ZNF514: variants seen among roughly 807,000 people sequenced by gnomAD.
The protein encoded by ZNF514 is zinc finger protein 514.
In ZNF514, 12 loss-of-function variants were observed where a neutral mutation model predicts 9.7. The ratio of observed to expected loss-of-function variants is 1.24; its 90% CI spans 0.79 to 2.01. The LOEUF is 2.01. ZNF514 is among the 30% of genes most tolerant of loss of function. The probability of loss-of-function intolerance (pLI) is 0.00; values close to 1 mark genes in which losing one functional copy is unlikely to be tolerated. For missense variants in ZNF514, 467 were observed against 465.5 expected (o/e 1.00, Z -0.03); for synonymous variants, 158 against 163.7 (o/e 0.97, Z 0.27).
chr2:95,151,693 GC>G (rs771645888), intron 4 of ZNF514, among the ~76,000 whole-genome samples: 1 of 152,184 alleles, frequency 6.6e-6, no homozygotes, highest in Non-Finnish European at 1.5e-5. Context: ...GGTCCCAGAG[GC>G]CAGTCAGAGA....
chr2:95,124,985 G>T, the ZNF514 span, among the ~76,000 whole-genome samples: 1 of 151,790 alleles, frequency 6.6e-6, no homozygotes, highest in East Asian at 1.9e-4. Context: ...AGGTTCAAGC[G>T]ATTCTCCTGC....
downstream of ZNF514, among the ~76,000 whole-genome samples, chr2:95,144,879 T>A (rs1023974562): frequency 6.6e-6 from 1 of 151,982 alleles, no homozygotes; most frequent in African/African-American, 2.4e-5. Context: ...GTCATCACAG[T>A]CCTACAAAAT....
At position 95,146,896 on chromosome 2, in the gene ZNF514, G is replaced by A. The variant is rs193163365; in HGVS notation, c.*2386C>T. Among the ~76,000 whole-genome samples the A allele has an allele frequency of 1.4e-3, 216 of 152,116 alleles. 1 individual carries two copies. The highest frequency in any genetic ancestry group is 4.7e-3 in the African/African-American group (193 of 41,490). The stretch of plus-strand genomic sequence containing the variant: ...GCTGTCCAGGAATAAATTTCTGTGT[G>A]ATCTTGACCTCAGCTGTCCAAGTAC... On this transcript the variant is annotated 3_prime_UTR_variant, in exon 5 of 5. Transcript: ENST00000295208.
At position 95,148,252 on chromosome 2, in the gene ZNF514, C is replaced by G. The variant is rs578210178; in HGVS notation, c.*1030G>C. On this transcript the variant is annotated 3_prime_UTR_variant, in exon 5 of 5. Coordinates refer to ENST00000295208, the MANE Select transcript of ZNF514 (RefSeq NM_032788.3). Reference sequence around the variant, plus strand: ...GCTCTAAAATACGACTGGGCTAGATCATGGGTAGCTGTCTACCTTTCTCAG... The same window carrying G: ...GCTCTAAAATACGACTGGGCTAGATGATGGGTAGCTGTCTACCTTTCTCAG... The G allele has an allele frequency of 6.6e-6, 1 of 152,334 alleles. No homozygotes were observed. The highest frequency in any genetic ancestry group is 1.9e-4 in the East Asian group (1 of 5,182). 9.4% of individuals were successfully genotyped at this position (152,334 alleles called of 1,614,324 possible). A position where few individuals can be genotyped will look rare whatever the true frequency, so the allele number is the denominator to read the frequency against.
Position 95,149,534 on chromosome 2 carries a change from T to C in ZNF514, c.951A>G (p.Glu317=). The change falls in exon 5 of 5, where the codon GAA becomes GAG. Residue 317 remains glutamate (E), a synonymous_variant. Coordinates refer to ENST00000295208, the MANE Select transcript of ZNF514 (RefSeq NM_032788.3). The part of the protein sequence containing the change: ...QRTHTGEKPY[E]CRECGRTFSQ... ...TGAAGGTTCTCCCACATTCCCGGCA[T>C]TCATAGGGCTTTTCTCCAGTATGAG... 2 of 1,614,112 alleles carry C rather than the reference T, an allele frequency of 1.2e-6. No homozygotes were observed. Among genetic ancestry groups the C allele is most frequent in the Non-Finnish European group, 8.5e-7 (1 of 1,179,988 alleles).
the ZNF514 span, among the ~76,000 whole-genome samples, chr2:95,132,144 CAAAAAAAAAAAAA>C: frequency 1.2e-4 from 2 of 16,624 alleles, no homozygotes; most frequent in African/African-American, 4.5e-4. Flanking sequence ...GACTCTGTCT[CAAAAAAAAAAAAA>C]AAAAAAAAAA....
At chr2:95,144,112 C>T (rs1673308515), downstream of ZNF514, among the ~76,000 whole-genome samples, 1 of 152,182 alleles carries the variant, frequency 6.6e-6, no homozygotes, top group South Asian at 2.1e-4. Context: ...TAGCACTCTG[C>T]TTGGAGTCTG....
chr2:95,128,168 G>A, the ZNF514 span, among the ~76,000 whole-genome samples: 6 of 152,144 alleles, frequency 3.9e-5, no homozygotes, highest in South Asian at 6.2e-4. Context: ...CGAGATGGGC[G>A]GATTGCCTGA....
At position 95,150,055 on chromosome 2, in the gene ZNF514, C is replaced by A. The variant is rs1673491308; in HGVS notation, c.430G>T (p.Ala144Ser). Residue 144 changes from alanine (A) to serine (S), a missense_variant, in exon 5 of 5, where the codon GCC (alanine) becomes TCC (serine). Transcript: ENST00000295208. ...TTATAATCTCTGCTAAGGGTGGTGG[C>A]AGATTTGTGAATGGTTGACATTTGT... ...LKQMSTIHKSATTLSRDYKWN... is the reference protein window; with the variant it reads ...LKQMSTIHKSSTTLSRDYKWN... The A allele has an allele frequency of 1.2e-6, 2 of 1,614,030 alleles. No homozygotes were observed. The highest frequency in any genetic ancestry group is 4.5e-5 in the East Asian group (2 of 44,890).
chr2:95,158,747 T>A, intron 1 of ZNF514: 2 of 1,127,088 alleles, frequency 1.8e-6, no homozygotes, highest in Non-Finnish European at 2.3e-6. Context: ...CCCCTCCACC[T>A]CCGCCACGGT....
At chr2:95,124,463 T>C in the ZNF514 span, among the ~76,000 whole-genome samples, 1 of 152,180 alleles carries the variant, frequency 6.6e-6, no homozygotes, top group East Asian at 1.9e-4. Flanking sequence ...GACATTTAGT[T>C]TGTCTCATAT....
At position 95,149,656 on chromosome 2, in the gene ZNF514, GAAC is replaced by G; in HGVS notation, c.826_828del (p.Val276del). ...TCTCCAGTGTGAAATCTATAGTGCA[GAAC>G]AAGAGACGAACTCTGGCTGAAGGCT... On this transcript the variant is annotated inframe_deletion, in exon 5 of 5. Coordinates refer to ENST00000295208, the MANE Select transcript of ZNF514 (RefSeq NM_032788.3). The G allele has an allele frequency of 6.2e-7, 1 of 1,613,828 alleles. No individual in the cohort carries two copies.
At position 95,149,089 on chromosome 2, in the gene ZNF514, T is replaced by C; in HGVS notation, c.*193A>G. 6.4e-6 allele frequency: 4 copies of C among 624,504 alleles called. No individual in the cohort carries two copies. The South Asian group carries it at 7.7e-5, about 12-fold the overall frequency. The allele number at this position is 624,504 out of a possible 1,614,324, so 38.7% of individuals were successfully genotyped here. A position where few individuals can be genotyped will look rare whatever the true frequency, so the allele number is the denominator to read the frequency against. On this transcript the variant is annotated 3_prime_UTR_variant, in exon 5 of 5. Coordinates refer to ENST00000295208, the MANE Select transcript of ZNF514 (RefSeq NM_032788.3). ...TTTCTCACTAGTATGGATTCTCCCA[T>C]GTTTGGTAAGAGAGGGGAAGCCCAC...
chr2:95,126,722 G>A, the ZNF514 span, among the ~76,000 whole-genome samples: 4 of 151,974 alleles, frequency 2.6e-5, no homozygotes, highest in African/African-American at 9.7e-5. Context: ...TCACTGCTGT[G>A]TTTTGAGAAT....
Position 95,159,640 on chromosome 2 carries a change from C to CGT in ZNF514, c.-497_-496insAC, listed in dbSNP as rs1309344136. ...GCCCGCCACCCCGCGCCAGCCCCCG[C>CGT]CCGCCACCCCGCGCCAGCCCCCGCC... On this transcript the variant is annotated 5_prime_UTR_variant, in exon 1 of 5. Transcript: ENST00000295208. The CGT allele has an allele frequency of 2.3e-4, 27 of 116,242 alleles. No individual in the cohort carries two copies. The highest frequency in any genetic ancestry group is 4.8e-3 in the Middle Eastern group (1 of 208). 7.2% of individuals were successfully genotyped at this position (116,242 alleles called of 1,614,324 possible).
intron 2 of ZNF514, among the ~76,000 whole-genome samples, chr2:95,156,328 C>A (rs866874164): frequency 2.0e-5 from 3 of 152,184 alleles, no homozygotes; most frequent in Non-Finnish European, 2.9e-5. Context: ...TCACCATGAT[C>A]CCTGATGCCA....
intron 4 of ZNF514, among the ~76,000 whole-genome samples, chr2:95,151,445 A>C (rs1302250555): frequency 6.6e-6 from 1 of 152,168 alleles, no homozygotes; most frequent in Non-Finnish European, 1.5e-5. Flanking sequence ...CCAACAACCC[A>C]AATGAAAAGA....
chr2:95,143,490 A>G (rs1673293925), downstream of ZNF514, among the ~76,000 whole-genome samples: 1 of 152,088 alleles, frequency 6.6e-6, no homozygotes, highest in African/African-American at 2.4e-5. Context: ...ATGGTGGTGC[A>G]TGTCTGTAAT....
intron 1 of ZNF514, among the ~76,000 whole-genome samples, chr2:95,157,845 G>A (rs537696535): frequency 1.3e-5 from 2 of 152,278 alleles, no homozygotes; most frequent in African/African-American, 4.8e-5. Flanking sequence ...AGGCCATGCA[G>A]GATTATGAGG....
Sources: allele counts gnomAD v4.1 joint callset (sites outside exome capture counted in the v4.1 genomes callset), GRCh38; gene constraint gnomAD v4.1.1; transcripts MANE v1.5; gene names NCBI Gene and HGNC (gene_info 2026-07-23, HGNC 2026-07-21).